The following GRM7 variants were observed in gnomAD, a reference collection of about 807,000 sequenced individuals.
The protein encoded by GRM7 is metabotropic glutamate receptor 7.
Under a neutral mutation model 84.5 loss-of-function variants are expected in GRM7, and 35 were observed. The observed-to-expected ratio is 0.41, with a 90% CI of 0.32 to 0.55. The LOEUF is 0.55. Among genes scored for constraint, GRM7 ranks in the 20% least tolerant of loss-of-function variants. GRM7 has a pLI of 0.19. For missense variants in GRM7, 1,003 were observed against 1,194.6 expected (o/e 0.84, Z 2.36); for synonymous variants, 487 against 455.1 (o/e 1.07, Z -0.89).
At chr3:7,339,172 A>T (rs990116221) in intron 4 of GRM7, among the ~76,000 whole-genome samples, 4 of 152,144 alleles carry the variant, frequency 2.6e-5, no homozygotes, top group African/African-American at 9.7e-5. Context: ...AGCTCTAGAG[A>T]AATCCACTTT....
At chr3:6,935,101 A>G (rs956732389) in intron 1 of GRM7, among the ~76,000 whole-genome samples, 1 of 152,188 alleles carries the variant, frequency 6.6e-6, no homozygotes, top group African/African-American at 2.4e-5. Context: ...AACACAGTTG[A>G]TTTGGAAAAC....
chr3:7,062,171 A>G (rs371253143), intron 1 of GRM7, among the ~76,000 whole-genome samples: 1 of 151,830 alleles, frequency 6.6e-6, no homozygotes, highest in East Asian at 1.9e-4. Flanking sequence ...TGGCATGGTA[A>G]GCATTAAGCA....
At chr3:7,065,279 A>C (rs1030874005) in intron 1 of GRM7, among the ~76,000 whole-genome samples, 1 of 151,856 alleles carries the variant, frequency 6.6e-6, no homozygotes, top group East Asian at 1.9e-4. Flanking sequence ...CAATGTCTAA[A>C]ATGGTTTTTT....
chr3:7,481,418 C>T (rs1699123724), intron 7 of GRM7, among the ~76,000 whole-genome samples: 1 of 152,108 alleles, frequency 6.6e-6, no homozygotes, highest in Admixed American at 6.6e-5. Flanking sequence ...TATCAGCCTC[C>T]ATAATTCTCA....
At position 6,928,841 on chromosome 3, in the gene GRM7, C is replaced by T. The variant is rs1470838505; in HGVS notation, c.519+66934C>T. Among the ~76,000 whole-genome samples, 1 of 152,182 alleles carries T rather than the reference C, an allele frequency of 6.6e-6. No individual in the cohort carries two copies. The highest frequency in any genetic ancestry group is 1.5e-5 in the Non-Finnish European group (1 of 68,036). ...GGTTTGTGAACACTTGTTTGTCATT[C>T]ATGATGATTAGGTTCCCCCATATTT... On this transcript the variant is annotated intron_variant, in intron 1 of 9. Coordinates refer to ENST00000357716, the MANE Select transcript of GRM7 (RefSeq NM_000844.4). This position sits in a 1 kb window ranked among gnomAD's most constrained non-coding sequence, Gnocchi z 4.5.
At chr3:6,893,543 A>G (rs1231228672) in intron 1 of GRM7, among the ~76,000 whole-genome samples, 1 of 152,132 alleles carries the variant, frequency 6.6e-6, no homozygotes, top group Non-Finnish European at 1.5e-5. Flanking sequence ...AAACATGCCC[A>G]CCATCTTGTA....
intron 1 of GRM7, among the ~76,000 whole-genome samples, chr3:6,954,278 T>C (rs1028520305): frequency 2.0e-5 from 3 of 152,208 alleles, no homozygotes; most frequent in African/African-American, 7.2e-5. Context: ...TACCTTGTTG[T>C]TAACTATAGT....
At chr3:7,438,122 T>G (rs1375290050) in intron 5 of GRM7, among the ~76,000 whole-genome samples, 5 of 151,980 alleles carry the variant, frequency 3.3e-5, no homozygotes, top group Admixed American at 6.6e-5. Context: ...GGGGTTTCAA[T>G]CAGGGGAGTG....
At chr3:7,336,251 A>G (rs1701416338) in intron 4 of GRM7, among the ~76,000 whole-genome samples, 1 of 152,120 alleles carries the variant, frequency 6.6e-6, no homozygotes, top group Admixed American at 6.6e-5. Flanking sequence ...ACGCAAGTCA[A>G]TAAACTTGAT....
intron 4 of GRM7, among the ~76,000 whole-genome samples, chr3:7,320,614 T>C (rs530043016): frequency 1.1e-4 from 17 of 151,748 alleles, no homozygotes; most frequent in South Asian, 2.1e-4. Flanking sequence ...CTGCTTCTTC[T>C]GTTTCCTCAA....
chr3:6,965,637 T>A (rs904863442), intron 1 of GRM7, among the ~76,000 whole-genome samples: 3 of 152,120 alleles, frequency 2.0e-5, no homozygotes, highest in African/African-American at 7.2e-5. Context: ...ACCTGGCCTC[T>A]CCTTTCATCT....
At chr3:7,452,009 G>T (rs1697789569) in intron 5 of GRM7, among the ~76,000 whole-genome samples, 1 of 152,172 alleles carries the variant, frequency 6.6e-6, no homozygotes, top group East Asian at 1.9e-4. Flanking sequence ...GAGGCATAAA[G>T]AGGCCATTGG....
Position 7,366,282 on chromosome 3 carries a change from C to T in GRM7, c.1034-48741C>T, listed in dbSNP as rs541745285. Among the ~76,000 whole-genome samples the T allele has an allele frequency of 2.0e-4, 30 of 151,848 alleles. 1 individual carries two copies. In the South Asian group the frequency reaches 5.8e-3, roughly 29 times the overall value. On this transcript the variant is annotated intron_variant, in intron 4 of 9. Transcript: ENST00000357716. ...AATTACAAGCCTGTCTTTAATTTTCCTCTTTATTTTTAACACCTTGACACT... is the reference window on the plus strand; with the variant it reads ...AATTACAAGCCTGTCTTTAATTTTCTTCTTTATTTTTAACACCTTGACACT...
chr3:7,569,708 C>T (rs1186468861), intron 7 of GRM7, among the ~76,000 whole-genome samples: 3 of 152,046 alleles, frequency 2.0e-5, no homozygotes, highest in Non-Finnish European at 2.9e-5. Flanking sequence ...CTGAAGCCAG[C>T]GAGACCATGA....
intron 1 of GRM7, among the ~76,000 whole-genome samples, chr3:7,107,092 G>GA (rs1692681200): frequency 6.6e-6 from 1 of 152,016 alleles, no homozygotes; most frequent in Non-Finnish European, 1.5e-5. Context: ...ACTTGAGACT[G>GA]ACAGGCTAGG....
intron 1 of GRM7, among the ~76,000 whole-genome samples, chr3:7,104,945 G>A (rs921783017): frequency 2.0e-5 from 3 of 151,664 alleles, no homozygotes; most frequent in African/African-American, 7.3e-5. Context: ...TATACACATG[G>A]CATTAATTAT....
chr3:7,401,504 A>C (rs1054334410), intron 4 of GRM7, among the ~76,000 whole-genome samples: 2 of 152,152 alleles, frequency 1.3e-5, no homozygotes, highest in Admixed American at 6.6e-5. Flanking sequence ...AGCACTCCAC[A>C]TTGAGATAAA....
intron 2 of GRM7, among the ~76,000 whole-genome samples, chr3:7,291,539 TCTCTCTCTC>T (rs1285195835): frequency 7.9e-6 from 1 of 126,884 alleles, no homozygotes; most frequent in Non-Finnish European, 1.6e-5. Flanking sequence ...TCTCTCTCTC[TCTCTCTCTC>T]TCTCTCAATC....
At chr3:7,242,646 G>C (rs1697602279) in intron 2 of GRM7, among the ~76,000 whole-genome samples, 1 of 152,266 alleles carries the variant, frequency 6.6e-6, no homozygotes, top group South Asian at 2.1e-4. Flanking sequence ...GGCATGTGTG[G>C]AGTTTTGAAT....
Sources: gnomAD v4.1 joint callset for allele counts (sites outside exome capture counted in the v4.1 genomes callset) on GRCh38, gnomAD v4.1.1 for gene constraint, Gnocchi (gnomAD v3.1) non-coding constraint, MANE v1.5 for transcripts, NCBI Gene and HGNC (gene_info 2026-07-23, HGNC 2026-07-21) for gene names.